The following PLXNA2 variants were observed in gnomAD, a reference collection of about 807,000 sequenced individuals.
PLXNA2 encodes the protein plexin A2.
PLXNA2 carries 91 observed loss-of-function variants against 193.5 expected under a neutral mutation model. That is an observed-to-expected ratio of 0.47 (90% CI 0.40 to 0.56). PLXNA2 has a LOEUF of 0.56. PLXNA2 is among the 20% of genes least tolerant of loss of function. The probability of loss-of-function intolerance (pLI) is 0.00; values close to 1 mark genes in which losing one functional copy is unlikely to be tolerated. For synonymous variants in PLXNA2, 997 were observed against 1,027.3 expected, an observed-to-expected ratio of 0.97 and a Z score of 0.56; for missense variants, 1,995 against 2,503.2, an observed-to-expected ratio of 0.80 and a Z score of 4.33.
chr1:208,237,646 A>G (rs1671908917), intron 1 of PLXNA2, among the ~76,000 whole-genome samples: 1 of 152,216 alleles, frequency 6.6e-6, no homozygotes, highest in African/African-American at 2.4e-5. Context: ...CCTTCTTCAC[A>G]GGAAACTGTG....
intron 13 of PLXNA2, among the ~76,000 whole-genome samples, chr1:208,058,761 CTT>C (rs1358735290): frequency 2.6e-5 from 4 of 152,224 alleles, no homozygotes; most frequent in Non-Finnish European, 4.4e-5. Flanking sequence ...TCTCTCGACA[CTT>C]TCTTCCCCGT....
At chr1:208,079,117 C>G (rs1027885447) in intron 12 of PLXNA2, 143 bp downstream of exon 12, 1 of 666,304 alleles carries the variant, frequency 1.5e-6, no homozygotes, top group African/African-American at 1.8e-5. Context: ...AAGACACACG[C>G]GAGAGGTTTC....
In PLXNA2 at chr1:208,098,984, G is replaced by T; in HGVS notation, c.1608-15C>A. 6.2e-7 allele frequency: 1 copy of T among 1,612,328 alleles called. No individual in the cohort carries two copies. Among genetic ancestry groups the T allele is most frequent in the Non-Finnish European group, 8.5e-7 (1 of 1,179,870 alleles). ...TGCGGGAGCACCTGCCATAAACACA[G>T]ATTCACAAGAGGTCAGGCCTCTGGG... On this transcript the variant is annotated splice_polypyrimidine_tract_variant and intron_variant, in intron 5 of 31. Coordinates refer to ENST00000367033, the MANE Select transcript of PLXNA2 (RefSeq NM_025179.4).
chr1:208,180,329 G>A (rs1669801005), intron 3 of PLXNA2, among the ~76,000 whole-genome samples: 3 of 152,162 alleles, frequency 2.0e-5, no homozygotes, highest in Admixed American at 1.3e-4. Flanking sequence ...AGCGGTGGGA[G>A]AGGGGCTCCG....
intron 4 of PLXNA2, among the ~76,000 whole-genome samples, chr1:208,111,347 G>A (rs1667469142): frequency 6.6e-6 from 1 of 152,178 alleles, no homozygotes; most frequent in Non-Finnish European, 1.5e-5. Context: ...GATTACAGGT[G>A]TGAGCCTTTG....
intron 3 of PLXNA2, among the ~76,000 whole-genome samples, chr1:208,155,570 T>C (rs1194598142): frequency 6.6e-6 from 1 of 152,184 alleles, no homozygotes; most frequent in East Asian, 1.9e-4. Flanking sequence ...TCATAGCTTT[T>C]GACAATTTGG....
At chr1:208,155,489 A>AT (rs1300474667) in intron 3 of PLXNA2, among the ~76,000 whole-genome samples, 2 of 152,046 alleles carry the variant, frequency 1.3e-5, no homozygotes, top group Non-Finnish European at 1.5e-5. Flanking sequence ...CTCTTCTAGG[A>AT]TTTTTTTCTC....
intron 12 of PLXNA2, among the ~76,000 whole-genome samples, chr1:208,071,518 G>C (rs1665977277): frequency 6.6e-6 from 1 of 152,220 alleles, no homozygotes; most frequent in South Asian, 2.1e-4. Context: ...AAGTGTATGT[G>C]TGTGTGTCTG....
At chr1:208,231,833 T>C (rs1019542100) in intron 1 of PLXNA2, among the ~76,000 whole-genome samples, 2 of 152,188 alleles carry the variant, frequency 1.3e-5, no homozygotes, top group South Asian at 2.1e-4. Flanking sequence ...GAGTTAAACA[T>C]GTCACTTGGC....
In PLXNA2 at chr1:208,033,872, A is replaced by C. The variant is rs10158303; in HGVS notation, c.4865-363T>G. Reference sequence around the variant, plus strand: ...GAAATCTGGATACTAAAGAGCTGCAAGTTGTAATTCTCCTCTTGGGAGTTA... The same window carrying C: ...GAAATCTGGATACTAAAGAGCTGCACGTTGTAATTCTCCTCTTGGGAGTTA... On this transcript the variant is annotated intron_variant, in intron 27 of 31. Transcript: ENST00000367033. Among the ~76,000 whole-genome samples the C allele has an allele frequency of 8.9e-3, 1,357 of 152,280 alleles. 22 individuals carry two copies. Among genetic ancestry groups the C allele is most frequent in the East Asian group, 0.038 (199 of 5,184 alleles).
chr1:208,240,142 C>G (rs1419977461), intron 1 of PLXNA2, among the ~76,000 whole-genome samples: 1 of 152,244 alleles, frequency 6.6e-6, no homozygotes, highest in African/African-American at 2.4e-5. Flanking sequence ...CCCTTACACT[C>G]TTACCCCGCA....
chr1:208,237,430 T>C (rs1671900748), intron 1 of PLXNA2, among the ~76,000 whole-genome samples: 1 of 152,194 alleles, frequency 6.6e-6, no homozygotes, highest in African/African-American at 2.4e-5. Flanking sequence ...GCTCCAGAAG[T>C]ACCAGAAAGG....
chr1:208,175,177 C>T (rs1025597070), intron 3 of PLXNA2, among the ~76,000 whole-genome samples: 6 of 152,162 alleles, frequency 3.9e-5, no homozygotes, highest in Admixed American at 6.5e-5. Flanking sequence ...CCTGGAGACC[C>T]TGTACCTGAA....
Position 208,045,222 on chromosome 1 carries a change from A to C in PLXNA2, c.3496-12T>G. 6.2e-7 allele frequency: 1 copy of C among 1,613,220 alleles called. No homozygotes were observed. Among genetic ancestry groups the C allele is most frequent in the Non-Finnish European group, 8.5e-7 (1 of 1,179,226 alleles). On this transcript the variant is annotated splice_polypyrimidine_tract_variant and intron_variant, in intron 18 of 31. Coordinates refer to ENST00000367033, the MANE Select transcript of PLXNA2 (RefSeq NM_025179.4). ...CAGAGGTTTTTGCCCTGTAGAGAAT[A>C]GCAGTCTTTATAGGCATAATTGACA...
chr1:208,182,489 G>A (rs969400231), intron 3 of PLXNA2, among the ~76,000 whole-genome samples: 7 of 152,092 alleles, frequency 4.6e-5, no homozygotes, highest in Non-Finnish European at 1.0e-4. Context: ...CCAAAAAACT[G>A]CAAGAGAATT....
At chr1:208,029,091 C>T in intron 29 of PLXNA2, 49 bp from the exon 30 acceptor site, 1 of 1,604,440 alleles carries the variant, frequency 6.2e-7, no homozygotes, top group Non-Finnish European at 8.5e-7. Flanking sequence ...GGCCGTGCCC[C>T]TTCTGCTGCC....
chr1:208,042,389 C>T (rs199584012), intron 21 of PLXNA2, 23 bp from the exon 22 acceptor site: 93 of 1,606,098 alleles, frequency 5.8e-5, no homozygotes, highest in African/African-American at 2.3e-4. Flanking sequence ...GTGGTGGAGG[C>T]GACGCCCTCA....
In PLXNA2 at chr1:208,152,516, C is replaced by T. The variant is rs541758483; in HGVS notation, c.1372-10053G>A. The stretch of plus-strand genomic sequence containing the variant: ...ATCTTCTTAAAACACTTGTTCGATC[C>T]TGCCTTTTCTGTATGCAAAATCCTT... On this transcript the variant is annotated intron_variant, in intron 3 of 31. Coordinates refer to ENST00000367033, the MANE Select transcript of PLXNA2 (RefSeq NM_025179.4). 7.2e-5 allele frequency among the ~76,000 whole-genome samples: 11 copies of T among 152,330 alleles called. No homozygotes were observed. In the East Asian group the frequency reaches 2.1e-3, roughly 29 times the overall value.
intron 17 of PLXNA2, among the ~76,000 whole-genome samples, chr1:208,046,401 C>T (rs1388681339): frequency 6.6e-6 from 1 of 152,134 alleles, no homozygotes; most frequent in Non-Finnish European, 1.5e-5. Flanking sequence ...GCGGCAGACA[C>T]AGTCTGGAGG....
Sources: gnomAD v4.1 joint callset for allele counts (sites outside exome capture counted in the v4.1 genomes callset) on GRCh38, gnomAD v4.1.1 for gene constraint, MANE v1.5 for transcripts, NCBI Gene and HGNC (gene_info 2026-07-23, HGNC 2026-07-21) for gene names.